Variants in PCDH11X observed in about 807,000 individuals in gnomAD.
PCDH11X encodes the protein protocadherin-11 X-linked.
Under a neutral mutation model 53.3 loss-of-function variants are expected in PCDH11X, and 18 were observed. The ratio of observed to expected loss-of-function variants is 0.34; its 90% CI spans 0.23 to 0.50. PCDH11X has a LOEUF of 0.50. Ranked by LOEUF, PCDH11X falls within the 20% of genes least tolerant of loss-of-function variation. The pLI, the probability that PCDH11X is intolerant of heterozygous loss-of-function variation, is 0.98. For missense variants in PCDH11X, 570 were observed against 1,032.4 expected, an observed-to-expected ratio of 0.55 and a Z score of 6.14; for synonymous variants, 279 against 393.3, an observed-to-expected ratio of 0.71 and a Z score of 3.44.
At chrX:92,160,235 T>G (rs2065617092) in intron 6 of PCDH11X, among the ~76,000 whole-genome samples, 1 of 109,408 alleles carries the variant, frequency 9.1e-6, no homozygotes, top group African/African-American at 3.4e-5. Context: ...TTGTGGGGAT[T>G]TGTTAGATTT....
At chrX:92,288,443 G>A (rs1451847664) in intron 8 of PCDH11X, among the ~76,000 whole-genome samples, 1 of 103,606 alleles carries the variant, frequency 9.7e-6, no homozygotes, top group Non-Finnish European at 2.0e-5. Flanking sequence ...AGGCTGGAGT[G>A]CAGTGGCAGC....
intron 6 of PCDH11X, among the ~76,000 whole-genome samples, chrX:91,961,459 G>A (rs1054011711): frequency 6.3e-5 from 7 of 111,404 alleles, no homozygotes; most frequent in Non-Finnish European, 1.1e-4. Flanking sequence ...CCAGGGCAAT[G>A]AGGCAAGAGA....
intron 9 of PCDH11X, among the ~76,000 whole-genome samples, chrX:92,391,186 C>A (rs1043694928): frequency 5.8e-5 from 6 of 103,380 alleles, no homozygotes; most frequent in African/African-American, 1.1e-4. Context: ...AGATTATTTA[C>A]AATGAACCCT....
At chrX:91,826,470 A>T (rs1293033822) in intron 4 of PCDH11X, among the ~76,000 whole-genome samples, 2 of 95,132 alleles carry the variant, frequency 2.1e-5, no homozygotes, top group African/African-American at 7.9e-5. Context: ...TATTTCTTTA[A>T]CTTTTATTTT....
intron 6 of PCDH11X, among the ~76,000 whole-genome samples, chrX:91,971,358 T>C (rs1297248394): frequency 1.8e-5 from 2 of 108,453 alleles, no homozygotes; most frequent in Non-Finnish European, 3.8e-5. Context: ...ACTTGACTCT[T>C]GTTAAGGGGA....
At chrX:91,911,064 T>C (rs1028522445) in intron 6 of PCDH11X, among the ~76,000 whole-genome samples, 6 of 111,670 alleles carry the variant, frequency 5.4e-5, no homozygotes, top group Non-Finnish European at 9.4e-5. Flanking sequence ...ATCTAAATTA[T>C]CTGAATTTCA....
chrX:92,440,259 C>T (rs1385908293), intron 9 of PCDH11X, among the ~76,000 whole-genome samples: 1 of 109,941 alleles, frequency 9.1e-6, no homozygotes, highest in African/African-American at 3.3e-5. Context: ...ATCTCATCAC[C>T]CAGGTCCTGA....
intron 10 of PCDH11X, among the ~76,000 whole-genome samples, chrX:92,528,056 G>A (rs2074488365): frequency 9.0e-6 from 1 of 111,501 alleles, no homozygotes; most frequent in Admixed American, 9.6e-5. Context: ...TCCCAAACAC[G>A]AGTCATAAAC....
At chrX:91,880,003 A>C in intron 6 of PCDH11X, 1 of 693,438 alleles carries the variant, frequency 1.4e-6, no homozygotes. Flanking sequence ...CATTCTTAAA[A>C]GATAATAACT....
intron 6 of PCDH11X, among the ~76,000 whole-genome samples, chrX:91,920,386 A>G (rs1941703351): frequency 9.2e-6 from 1 of 109,103 alleles, no homozygotes; most frequent in Non-Finnish European, 1.9e-5. Context: ...AGTCCCTTCT[A>G]TGCTAAATAA....
chrX:91,893,378 C>A (rs1318544800), intron 6 of PCDH11X, among the ~76,000 whole-genome samples: 4 of 100,651 alleles, frequency 4.0e-5, no homozygotes, highest in Admixed American at 3.4e-4. Context: ...GATGGAGTCT[C>A]GCTCTGTCGC....
chrX:91,981,910 G>T (rs1392926165), intron 6 of PCDH11X, among the ~76,000 whole-genome samples: 2 of 104,535 alleles, frequency 1.9e-5, no homozygotes, highest in African/African-American at 7.2e-5. Flanking sequence ...CCATTAGACT[G>T]CTAAAAAACA....
intron 6 of PCDH11X, among the ~76,000 whole-genome samples, chrX:92,091,631 T>G (rs2064049935): frequency 9.0e-6 from 1 of 111,004 alleles, no homozygotes; most frequent in Non-Finnish European, 1.9e-5. Flanking sequence ...TTCAGAAAGG[T>G]GGGACAACTC....
chrX:91,972,916 G>C (rs1438093658), intron 6 of PCDH11X, among the ~76,000 whole-genome samples: 10 of 111,018 alleles, frequency 9.0e-5, no homozygotes, highest in Non-Finnish European at 1.7e-4. Flanking sequence ...AATACCATTT[G>C]ACCCAGCCAT....
chrX:91,846,383 C>T (rs1283704779), intron 5 of PCDH11X, among the ~76,000 whole-genome samples: 2 of 110,574 alleles, frequency 1.8e-5, no homozygotes, highest in East Asian at 2.9e-4. Context: ...TTTCGGAGGC[C>T]GTGGCGGGCG....
At chrX:92,129,130 C>T (rs760352971) in intron 6 of PCDH11X, among the ~76,000 whole-genome samples, 177 of 110,832 alleles carry the variant, frequency 1.6e-3, no homozygotes, top group African/African-American at 5.7e-3. Flanking sequence ...CGGTGGCTCA[C>T]GCCTGTAATC....
intron 7 of PCDH11X, among the ~76,000 whole-genome samples, chrX:92,215,302 A>C (rs981880163): frequency 9.2e-6 from 1 of 108,281 alleles, no homozygotes; most frequent in East Asian, 3.0e-4. Context: ...TCCTAGTCAA[A>C]GAAAGGGGTG....
chrX:91,963,123 G>A (rs1569279297), intron 6 of PCDH11X, among the ~76,000 whole-genome samples: 1 of 111,791 alleles, frequency 8.9e-6, no homozygotes, highest in Non-Finnish European at 1.9e-5. Context: ...GCAAATTCCT[G>A]CTGCCAGCTT....
At chrX:91,916,623 A>G (rs1307643851) in intron 6 of PCDH11X, among the ~76,000 whole-genome samples, 1 of 110,274 alleles carries the variant, frequency 9.1e-6, no homozygotes, top group African/African-American at 3.3e-5. Context: ...TAAATTGGGA[A>G]GAAATAGAAA....
Sources: gnomAD v4.1 joint callset for allele counts (sites outside exome capture counted in the v4.1 genomes callset) on GRCh38, gnomAD v4.1.1 for gene constraint, MANE v1.5 for transcripts, NCBI Gene and HGNC (gene_info 2026-07-23, HGNC 2026-07-21) for gene names.